DNAJC5B: variants seen among roughly 807,000 people sequenced by gnomAD.
DNAJC5B encodes DnaJ heat shock protein family (Hsp40) member C5 beta.
A neutral mutation model predicts 24.7 loss-of-function variants in DNAJC5B; 23 were observed. The ratio of observed to expected loss-of-function variants is 0.93; its 90% CI spans 0.67 to 1.32. DNAJC5B has a LOEUF of 1.32. DNAJC5B is among the 40% of genes most tolerant of loss of function. The pLI is 0.00. For synonymous variants in DNAJC5B, 101 were observed against 90.1 expected, an observed-to-expected ratio of 1.12 and a Z score of -0.68; for missense variants, 238 against 240.8, an observed-to-expected ratio of 0.99 and a Z score of 0.08.
intron 5 of DNAJC5B, among the ~76,000 whole-genome samples, chr8:66,097,166 T>C (rs548329629): frequency 3.9e-5 from 6 of 152,090 alleles, no homozygotes; most frequent in South Asian, 4.1e-4. Flanking sequence ...TTTATCATTA[T>C]ATTTATCACT....
At chr8:66,027,430 G>T (rs1806269479) in intron 1 of DNAJC5B, among the ~76,000 whole-genome samples, 1 of 152,198 alleles carries the variant, frequency 6.6e-6, no homozygotes, top group Non-Finnish European at 1.5e-5. Flanking sequence ...CAAACATCAT[G>T]ATGGCCACAC....
intron 5 of DNAJC5B, among the ~76,000 whole-genome samples, chr8:66,086,464 G>C (rs1807725957): frequency 6.6e-6 from 1 of 152,124 alleles, no homozygotes. Context: ...AGGATTTCAA[G>C]TTTGATGACT....
At chr8:66,083,010 T>C (rs79557391) in intron 5 of DNAJC5B, among the ~76,000 whole-genome samples, 3,215 of 137,578 alleles carry the variant, frequency 0.023, 49 homozygotes, top group Middle Eastern at 0.043. Flanking sequence ...TTTCTTTTTT[T>C]TTTTTTTTTT....
At chr8:66,017,134 C>G (rs1242416139), upstream of DNAJC5B, among the ~76,000 whole-genome samples, 2 of 152,110 alleles carry the variant, frequency 1.3e-5, no homozygotes, top group Non-Finnish European at 2.9e-5. Context: ...ACATGCCTTA[C>G]ACTTTACTTA....
At chr8:66,044,788 G>T (rs183156832) in intron 2 of DNAJC5B, among the ~76,000 whole-genome samples, 1 of 152,082 alleles carries the variant, frequency 6.6e-6, no homozygotes, top group African/African-American at 2.4e-5. Context: ...GACTTTTCTC[G>T]ACAAGATTTT....
At chr8:66,015,326 AG>A in the DNAJC5B span, among the ~76,000 whole-genome samples, 1 of 152,174 alleles carries the variant, frequency 6.6e-6, no homozygotes, top group Non-Finnish European at 1.5e-5. Flanking sequence ...ATGATTAACA[AG>A]CCTGTGTTCT....
At chr8:66,027,405 T>G (rs1453190185) in intron 1 of DNAJC5B, among the ~76,000 whole-genome samples, 1 of 152,234 alleles carries the variant, frequency 6.6e-6, no homozygotes, top group East Asian at 1.9e-4. Context: ...ATGAATACTG[T>G]CCTTTTAAGT....
rs777783426 is a variant in DNAJC5B, at chr8:66,080,441, GCAA to G, written c.400_402del (p.Asn134del). 6.2e-7 allele frequency: 1 copy of G among 1,614,104 alleles called. No homozygotes were observed. Among genetic ancestry groups the G allele is most frequent in the African/African-American group, 1.3e-5 (1 of 75,056 alleles). On this transcript the variant is annotated inframe_deletion, in exon 5 of 6. Transcript: ENST00000276570. ...TTTTGCTGCTGCCTGTGCTGCTGCT[GCAA>G]CTGCTGCTGTGGACACTGCCGGCCC...
chr8:66,088,515 T>C (rs1223409386), intron 5 of DNAJC5B, among the ~76,000 whole-genome samples: 2 of 152,208 alleles, frequency 1.3e-5, no homozygotes, highest in Non-Finnish European at 2.9e-5. Context: ...TTCTACCATA[T>C]AGTCAGGTTG....
At chr8:66,043,839 T>C (rs1806668778) in intron 2 of DNAJC5B, among the ~76,000 whole-genome samples, 3 of 149,528 alleles carry the variant, frequency 2.0e-5, no homozygotes, top group Non-Finnish European at 4.4e-5. Flanking sequence ...TTTTTTTTTT[T>C]CCTTTGAGAT....
chr8:66,095,373 T>C (rs1385111994), intron 5 of DNAJC5B, among the ~76,000 whole-genome samples: 1 of 151,910 alleles, frequency 6.6e-6, no homozygotes, highest in African/African-American at 2.4e-5. Context: ...TATTCTGTTT[T>C]TTATTCTTTA....
chr8:66,096,742 A>G (rs1807961775), intron 5 of DNAJC5B, among the ~76,000 whole-genome samples: 4 of 152,174 alleles, frequency 2.6e-5, no homozygotes, highest in South Asian at 4.1e-4. Context: ...TTTAGTCTCT[A>G]TTTTTATCCT....
intron 3 of DNAJC5B, among the ~76,000 whole-genome samples, chr8:66,053,334 G>A (rs1806892773): frequency 6.6e-6 from 1 of 152,106 alleles, no homozygotes; most frequent in South Asian, 2.1e-4. Context: ...GAAGGACATG[G>A]TGATAACAGA....
intron 3 of DNAJC5B, among the ~76,000 whole-genome samples, chr8:66,072,954 T>C (rs796329581): frequency 1.1e-3 from 167 of 152,302 alleles, no homozygotes; most frequent in African/African-American, 3.1e-3. Flanking sequence ...CAGCATCCAT[T>C]CACTCATAGT....
chr8:66,098,592 C>CT (rs369601752), intron 5 of DNAJC5B, among the ~76,000 whole-genome samples: 10 of 149,702 alleles, frequency 6.7e-5, no homozygotes, highest in East Asian at 2.0e-4. Context: ...TATTGTCTCT[C>CT]TTTTTTTTTT....
chr8:66,079,467 C>T (rs1807543443), intron 4 of DNAJC5B, among the ~76,000 whole-genome samples: 1 of 152,154 alleles, frequency 6.6e-6, no homozygotes, highest in Non-Finnish European at 1.5e-5. Flanking sequence ...GGAAAGATGT[C>T]ATAGAAGGGA....
At chr8:66,022,164 A>G (rs931301657) in intron 1 of DNAJC5B, among the ~76,000 whole-genome samples, 1 of 152,168 alleles carries the variant, frequency 6.6e-6, no homozygotes, top group African/African-American at 2.4e-5. Flanking sequence ...GAAGTAAGTA[A>G]AACAGCTCTG....
At chr8:66,053,959 G>T (rs1806910417) in intron 3 of DNAJC5B, among the ~76,000 whole-genome samples, 3 of 149,170 alleles carry the variant, frequency 2.0e-5, no homozygotes, top group African/African-American at 2.5e-5. Flanking sequence ...TTTTAACAAG[G>T]TCTTATCATG....
intron 3 of DNAJC5B, among the ~76,000 whole-genome samples, chr8:66,070,877 G>T (rs576575566): frequency 2.0e-5 from 3 of 152,168 alleles, no homozygotes; most frequent in African/African-American, 7.2e-5. Flanking sequence ...GAACAGAACA[G>T]AGGCCTCAGA....
Sources: gnomAD v4.1 joint callset for allele counts (sites outside exome capture counted in the v4.1 genomes callset) on GRCh38, gnomAD v4.1.1 for gene constraint, MANE v1.5 for transcripts, NCBI Gene and HGNC (gene_info 2026-07-23, HGNC 2026-07-21) for gene names.